The following PLCD3 variants were observed in gnomAD, a reference collection of about 807,000 sequenced individuals.
PLCD3 encodes the protein 1-phosphatidylinositol 4,5-bisphosphate phosphodiesterase delta-3.
In PLCD3, 62 loss-of-function variants were observed where a neutral mutation model predicts 82.8. The ratio of observed to expected loss-of-function variants is 0.75; its 90% CI spans 0.61 to 0.93. The LOEUF (loss-of-function observed/expected upper bound fraction) is 0.93. Among genes scored for constraint, PLCD3 ranks in the 40% least tolerant of loss-of-function variants. PLCD3 has a pLI of 0.00. For synonymous variants in PLCD3, 478 were observed against 471.8 expected (o/e 1.01, Z -0.17); for missense variants, 1,023 against 1,103.4 (o/e 0.93, Z 1.03).
chr17:45,118,452 C>A lies in PLCD3; in HGVS notation c.954G>T (p.Met318Ile). The change falls in exon 6 of 15, where the codon ATG (methionine) becomes ATT (isoleucine). Residue 318 changes from methionine (M) to isoleucine (I), a missense_variant. Transcript: ENST00000619929. The surrounding 1 kb of genome is among the most constrained non-coding windows in gnomAD (Gnocchi z 4.1). The stretch of plus-strand genomic sequence containing the variant: ...CAGCCCCCTCCGGCGACAACAGGTA[C>A]ATCATGAAGCCATCCAGTGTCATCA... ...HELMTLDGFM[M>I]YLLSPEGAAL... 1 of 1,614,000 alleles carries A rather than the reference C, an allele frequency of 6.2e-7. No homozygotes were observed. The highest frequency in any genetic ancestry group is 8.5e-7 in the Non-Finnish European group (1 of 1,179,886).
chr17:45,123,961 C>G (rs951824369), intron 1 of PLCD3, among the ~76,000 whole-genome samples: 1 of 141,168 alleles, frequency 7.1e-6, no homozygotes, highest in East Asian at 2.0e-4. Flanking sequence ...ACCAGACCCC[C>G]CCCCCAACCA....
At chr17:45,129,483 C>T (rs1356663131) in intron 1 of PLCD3, among the ~76,000 whole-genome samples, 2 of 152,176 alleles carry the variant, frequency 1.3e-5, no homozygotes, top group African/African-American at 4.8e-5. Context: ...CAACTAACAA[C>T]AACAGCAACA....
At position 45,111,662 on chromosome 17, in the gene PLCD3, C is replaced by T. The variant is rs2054243139; in HGVS notation, c.*954G>A. ...GAGTGGCGGTGGTGAAATCAACGTG[C>T]TTCTTTATTTTTTAAACTAGATAGG... is the stretch of plus-strand genomic sequence containing the variant. On this transcript the variant is annotated 3_prime_UTR_variant, in exon 15 of 15. Coordinates refer to ENST00000619929, the MANE Select transcript of PLCD3 (RefSeq NM_133373.5). 6.6e-6 allele frequency: 1 copy of T among 152,120 alleles called. No individual in the cohort carries two copies. The highest frequency in any genetic ancestry group is 2.4e-5 in the African/African-American group (1 of 41,408). The allele number at this position is 152,120 out of a possible 1,614,324, so 9.4% of individuals were successfully genotyped here.
chr17:45,129,779 G>A (rs1326260151), intron 1 of PLCD3, among the ~76,000 whole-genome samples: 1 of 152,214 alleles, frequency 6.6e-6, no homozygotes, highest in Non-Finnish European at 1.5e-5. Context: ...CGGGGGACTG[G>A]AGGGGGGACA....
rs752360452 is a variant in PLCD3, at chr17:45,117,995, G to A, written c.1259C>T (p.Thr420Met). 46 of 1,613,064 alleles carry A rather than the reference G, an allele frequency of 2.9e-5. No homozygotes were observed. The highest frequency in any genetic ancestry group is 4.0e-5 in the African/African-American group (3 of 74,928). The change falls in exon 7 of 15, where the codon ACG becomes ATG. Residue 420 changes from threonine to methionine, a missense_variant and splice_region_variant. Thr to Met is a moderately conservative substitution (Grantham distance 81, BLOSUM62 -1). Coordinates refer to ENST00000619929, the MANE Select transcript of PLCD3 (RefSeq NM_133373.5). ...GGGCTGGGCATCCCAGGGGCTCACC[G>A]TGAAGGCATGGTCGCGCACGGCTTG... ...VVQAVRDHAF[T>M]LSPYPVILSL...
chr17:45,115,735 C>T (rs1349982331), intron 8 of PLCD3: 3 of 516,914 alleles, frequency 5.8e-6, no homozygotes, highest in East Asian at 6.0e-5. Context: ...ACAATGCACG[C>T]GACAGCTCAG....
intron 1 of PLCD3, among the ~76,000 whole-genome samples, chr17:45,123,958 C>CA (rs201906052): frequency 3.6e-5 from 5 of 139,586 alleles, no homozygotes; most frequent in Non-Finnish European, 8.1e-5. Flanking sequence ...CTCACCAGAC[C>CA]CCCCCCCCAA....
At chr17:45,126,816 G>A (rs1026645611) in intron 1 of PLCD3, among the ~76,000 whole-genome samples, 3 of 151,644 alleles carry the variant, frequency 2.0e-5, no homozygotes, top group African/African-American at 7.3e-5. Context: ...GCACTACCAG[G>A]CCTGAATAAT....
At chr17:45,130,052 A>G (rs2054408316) in intron 1 of PLCD3, among the ~76,000 whole-genome samples, 1 of 152,196 alleles carries the variant, frequency 6.6e-6, no homozygotes, top group Non-Finnish European at 1.5e-5. Flanking sequence ...CTGGGCCCCA[A>G]GACTGGGTTT....
chr17:45,127,759 T>C (rs2054391718), intron 1 of PLCD3, among the ~76,000 whole-genome samples: 1 of 151,610 alleles, frequency 6.6e-6, no homozygotes, highest in African/African-American at 2.4e-5. Context: ...AGTGTGTGTG[T>C]GCGTGAGACA....
Position 45,109,878 on chromosome 17 carries a change from C to A in PLCD3, c.*2738G>T, listed in dbSNP as rs1378644885. 6.6e-6 allele frequency: 1 copy of A among 151,172 alleles called. No individual in the cohort carries two copies. Among genetic ancestry groups the A allele is most frequent in the Non-Finnish European group, 1.5e-5 (1 of 67,900 alleles). 9.4% of individuals were successfully genotyped at this position (151,172 alleles called of 1,614,324 possible). A position where few individuals can be genotyped will look rare whatever the true frequency, so the allele number is the denominator to read the frequency against. On this transcript the variant is annotated 3_prime_UTR_variant, in exon 15 of 15. Coordinates refer to ENST00000619929, the MANE Select transcript of PLCD3 (RefSeq NM_133373.5). ...GGATCACGAGGTCAGGAGATCGAGA[C>A]CATCCTGGCTAACACTATGAAACCC... is the stretch of plus-strand genomic sequence containing the variant.
At chr17:45,128,886 G>A (rs2054400685) in intron 1 of PLCD3, among the ~76,000 whole-genome samples, 1 of 152,232 alleles carries the variant, frequency 6.6e-6, no homozygotes, top group African/African-American at 2.4e-5. Flanking sequence ...GGCCCCCATG[G>A]GAGAGGAGCG....
intron 1 of PLCD3, among the ~76,000 whole-genome samples, chr17:45,121,974 A>AAT (rs34563170): frequency 6.6e-6 from 1 of 150,922 alleles, no homozygotes; most frequent in Non-Finnish European, 1.5e-5. Context: ...AAAAAAAAAA[A>AAT]TTGCCTTTTC....
At chr17:45,131,230 C>A (rs2054437806) in intron 1 of PLCD3, among the ~76,000 whole-genome samples, 1 of 150,662 alleles carries the variant, frequency 6.6e-6, no homozygotes, top group Non-Finnish European at 1.5e-5. Context: ...CAATCAGGAC[C>A]CCTGAATTCT....
rs112442253 is a variant in PLCD3, at chr17:45,120,008, C to G, written c.684+317G>C. On this transcript the variant is annotated intron_variant, in intron 4 of 14. Coordinates refer to ENST00000619929, the MANE Select transcript of PLCD3 (RefSeq NM_133373.5). ...TGCACACCTGTAGGCTGGCTCCTGC[C>G]TGTGCCCCCACGTGCAAAAGGTGCC... Among the ~76,000 whole-genome samples the G allele has an allele frequency of 5.6e-4, 85 of 152,396 alleles. 1 individual carries two copies. Among genetic ancestry groups the G allele is most frequent in the African/African-American group, 1.9e-3 (80 of 41,600 alleles).
intron 4 of PLCD3, 120 bp from the exon 5 acceptor site, chr17:45,119,163 A>T (rs538397850): frequency 1.4e-6 from 1 of 728,512 alleles, no homozygotes; most frequent in Non-Finnish European, 2.2e-6. Flanking sequence ...AGGTGGAAAA[A>T]CAGAGTAAGA....
At chr17:45,130,461 G>A (rs1482807369) in intron 1 of PLCD3, among the ~76,000 whole-genome samples, 16 of 152,158 alleles carry the variant, frequency 1.1e-4, no homozygotes, top group Non-Finnish European at 1.2e-4. Flanking sequence ...AATGGGCATG[G>A]GGCCTCCCCT....
chr17:45,130,784 G>C (rs1334158774), intron 1 of PLCD3, among the ~76,000 whole-genome samples: 1 of 151,930 alleles, frequency 6.6e-6, no homozygotes, highest in African/African-American at 2.4e-5. Context: ...ATGCCCTCCA[G>C]ATAAAGTCCA....
rs1425660634 is a variant in PLCD3, at chr17:45,118,670, G to T, written c.913+145C>A. ...CCCTGGGAGGAAGACAAACTGTTGT[G>T]CCATTTTACACATGTGGAAGCTGAG... On this transcript the variant is annotated intron_variant, in intron 5 of 14. Coordinates refer to ENST00000619929, the MANE Select transcript of PLCD3 (RefSeq NM_133373.5). The surrounding 1 kb of genome is among the most constrained non-coding windows in gnomAD (Gnocchi z 4.1). 1.8e-6 allele frequency: 2 copies of T among 1,103,754 alleles called. No individual in the cohort carries two copies. 68.4% of individuals were successfully genotyped at this position (1,103,754 alleles called of 1,614,324 possible). A position where few individuals can be genotyped will look rare whatever the true frequency, so the allele number is the denominator to read the frequency against.
Sources: gnomAD v4.1 joint callset for allele counts (sites outside exome capture counted in the v4.1 genomes callset) on GRCh38, gnomAD v4.1.1 for gene constraint, Gnocchi (gnomAD v3.1) non-coding constraint, MANE v1.5 for transcripts, NCBI Gene and HGNC (gene_info 2026-07-23, HGNC 2026-07-21) for gene names.